RYR3: variants seen among roughly 807,000 people sequenced by gnomAD.
RYR3 encodes the protein ryanodine receptor 3.
RYR3 carries 207 observed loss-of-function variants against 584.3 expected under a neutral mutation model. That is an observed-to-expected ratio of 0.35 (90% CI 0.32 to 0.40). The LOEUF is 0.40. Among genes scored for constraint, RYR3 ranks in the 10% least tolerant of loss-of-function variants. RYR3 has a pLI of 1.00. For synonymous variants in RYR3, 2,416 were observed against 2,248.5 expected (o/e 1.07, Z -2.11); for missense variants, 5,616 against 6,089.2 (o/e 0.92, Z 2.59).
intron 1 of RYR3, chr15:33,465,703 G>T (rs764645760): frequency 7.7e-6 from 4 of 519,016 alleles, no homozygotes; most frequent in Non-Finnish European, 1.5e-5. Flanking sequence ...CAAGTTTGGA[G>T]GTGATTACAA....
intron 38 of RYR3, among the ~76,000 whole-genome samples, chr15:33,679,630 A>G (rs2064440718): frequency 2.6e-5 from 4 of 152,262 alleles, no homozygotes; most frequent in Admixed American, 6.5e-5. Context: ...ACAGAGACAC[A>G]GAGAGGTAGG....
intron 39 of RYR3, among the ~76,000 whole-genome samples, chr15:33,697,552 T>G (rs2065935844): frequency 1.3e-5 from 2 of 152,358 alleles, no homozygotes; most frequent in South Asian, 4.1e-4. Flanking sequence ...CTTAATGTCG[T>G]GAGTTTTTAA....
At chr15:33,803,663 C>T (rs537252537) in intron 69 of RYR3, among the ~76,000 whole-genome samples, 2 of 152,228 alleles carry the variant, frequency 1.3e-5, no homozygotes, top group African/African-American at 2.4e-5. Context: ...TACAGGCGCA[C>T]GCCACCACAC....
rs778336735 is a variant in RYR3 at position 33,585,997 on chromosome 15, G to C, written c.1670-1G>C. The C allele has an allele frequency of 6.3e-7, 1 of 1,585,148 alleles. No homozygotes were observed. The highest frequency in any genetic ancestry group is 1.7e-5 in the Admixed American group (1 of 59,974). On this transcript the variant is annotated splice_acceptor_variant, in intron 15 of 103. Coordinates refer to ENST00000634891, the MANE Select transcript of RYR3 (RefSeq NM_001036.6). LOFTEE classifies it high-confidence loss of function. ...ATTTGATGTTTGTGGCATTCATGTAGGTATCTTGGAAGTTTTGCACTGCAT... is the reference window on the plus strand; with the variant it reads ...ATTTGATGTTTGTGGCATTCATGTACGTATCTTGGAAGTTTTGCACTGCAT...
chr15:33,607,858 C>T (rs895091129), intron 18 of RYR3, among the ~76,000 whole-genome samples: 1 of 152,018 alleles, frequency 6.6e-6, no homozygotes, highest in Admixed American at 6.6e-5. Flanking sequence ...GTGTGCGAGG[C>T]GCTCTTCTAT....
intron 13 of RYR3, among the ~76,000 whole-genome samples, chr15:33,580,391 AT>A (rs1327554396): frequency 2.2e-4 from 33 of 152,174 alleles, no homozygotes; most frequent in Non-Finnish European, 3.7e-4. Flanking sequence ...TGTATCAAAT[AT>A]ACATTTTCAG....
In RYR3 at chr15:33,606,379, A is replaced by G. The variant is rs1362873350; in HGVS notation, c.2164+3015A>G. On this transcript the variant is annotated intron_variant, in intron 18 of 103. Transcript: ENST00000634891. The stretch of plus-strand genomic sequence containing the variant: ...AGTCCTTGGTACTTCACTCAAGACC[A>G]TGAGAATAGCCCAGTTAGGGCTACC... 3.9e-5 allele frequency among the ~76,000 whole-genome samples: 6 copies of G among 152,256 alleles called. 1 individual carries two copies. Among genetic ancestry groups the G allele is most frequent in the Admixed American group, 2.6e-4 (4 of 15,290 alleles).
At chr15:33,566,923 T>G in intron 12 of RYR3, 124 bp downstream of exon 12, 1 of 1,119,722 alleles carries the variant, frequency 8.9e-7, no homozygotes, top group South Asian at 1.4e-5. Context: ...GCAAAGAGTT[T>G]TACCATCAAG....
At chr15:33,586,193 A>AG in intron 16 of RYR3, 77 bp downstream of exon 16, 1 of 852,188 alleles carries the variant, frequency 1.2e-6, no homozygotes, top group Non-Finnish European at 2.0e-6. Flanking sequence ...TGTTTTACTG[A>AG]GAGCATGTTG....
intron 6 of RYR3, among the ~76,000 whole-genome samples, chr15:33,540,136 C>T (rs554617358): frequency 6.6e-6 from 1 of 152,042 alleles, no homozygotes; most frequent in Non-Finnish European, 1.5e-5. Flanking sequence ...ATGCCCCAAG[C>T]GCTATATGCA....
chr15:33,646,359 G>A lies in RYR3; in HGVS notation c.3774G>A (p.Arg1258=), dbSNP rs780062407. 5 of 1,606,390 alleles carry A rather than the reference G, an allele frequency of 3.1e-6. No homozygotes were observed. Among genetic ancestry groups the A allele is most frequent in the Admixed American group, 3.3e-5 (2 of 59,720 alleles). Residue 1258 remains arginine, a synonymous_variant, in exon 29 of 104, where the codon AGG becomes AGA. Transcript: ENST00000634891. ...PKDHPHIEVM[R]IDGTMDSPPC... ...ACTCGTCCTGTTTCCAGGTCATGAG[G>A]ATTGATGGCACCATGGACAGCCCTC...
intron 1 of RYR3, among the ~76,000 whole-genome samples, chr15:33,411,475 CAG>C (rs1301779506): frequency 6.6e-6 from 1 of 152,164 alleles, no homozygotes; most frequent in East Asian, 1.9e-4. Context: ...GGATGTGAGA[CAG>C]AATGAGATAT....
intron 10 of RYR3, among the ~76,000 whole-genome samples, chr15:33,560,524 G>A (rs2057344524): frequency 6.6e-6 from 1 of 151,704 alleles, no homozygotes; most frequent in Non-Finnish European, 1.5e-5. Context: ...TTCATTGATA[G>A]TTGGATAATA....
At chr15:33,695,771 C>A (rs2065800936) in intron 38 of RYR3, among the ~76,000 whole-genome samples, 2 of 151,740 alleles carry the variant, frequency 1.3e-5, no homozygotes, top group South Asian at 4.2e-4. Flanking sequence ...TCATAACCCA[C>A]CCTTAAAATA....
At chr15:33,765,652 A>G (rs564149735) in intron 60 of RYR3, among the ~76,000 whole-genome samples, 230 of 149,470 alleles carry the variant, frequency 1.5e-3, no homozygotes, top group African/African-American at 5.1e-3. Context: ...AAAAAAAAAA[A>G]AAAGAAAATA....
intron 51 of RYR3, among the ~76,000 whole-genome samples, chr15:33,741,984 G>A (rs1204281449): frequency 2.6e-5 from 4 of 152,076 alleles, no homozygotes; most frequent in South Asian, 4.2e-4. Context: ...CATAACATAC[G>A]GCTCTCTGGC....
At chr15:33,359,211 T>C (rs1011174449) in intron 1 of RYR3, among the ~76,000 whole-genome samples, 42 of 152,206 alleles carry the variant, frequency 2.8e-4, no homozygotes, top group African/African-American at 1.0e-3. Context: ...AAAACACAGA[T>C]AATATCAAAG....
chr15:33,590,925 G>T (rs1280663318), intron 16 of RYR3, among the ~76,000 whole-genome samples: 1 of 152,036 alleles, frequency 6.6e-6, no homozygotes. Flanking sequence ...TAAGTTGTTA[G>T]CTTTGTCCCT....
chr15:33,551,453 G>A (rs181685435), intron 10 of RYR3, among the ~76,000 whole-genome samples: 25 of 152,314 alleles, frequency 1.6e-4, no homozygotes, highest in Non-Finnish European at 2.6e-4. Flanking sequence ...AAGATAGTCA[G>A]CACTGTCCCC....
Sources: allele counts gnomAD v4.1 joint callset (sites outside exome capture counted in the v4.1 genomes callset), GRCh38; gene constraint gnomAD v4.1.1; transcripts MANE v1.5; gene names NCBI Gene and HGNC (gene_info 2026-07-23, HGNC 2026-07-21).